RNF213: variants seen among roughly 807,000 people sequenced by gnomAD.
RNF213 encodes the protein ring finger protein 213.
RNF213 carries 341 observed loss-of-function variants against 514.4 expected under a neutral mutation model. That is an observed-to-expected ratio of 0.66 (90% CI 0.61 to 0.73). RNF213 has a LOEUF of 0.73. RNF213 is among the 30% of genes least tolerant of loss of function. The pLI is 0.00. For synonymous variants in RNF213, 2,655 were observed against 2,658.2 expected, an observed-to-expected ratio of 1.00 and a Z score of 0.04; for missense variants, 5,767 against 6,615.6, an observed-to-expected ratio of 0.87 and a Z score of 4.45.
At chr17:80,273,198 G>T in intron 2 of RNF213, 43 bp from the exon 3 acceptor site, 4 of 1,601,848 alleles carry the variant, frequency 2.5e-6, no homozygotes, top group African/African-American at 1.4e-5. Flanking sequence ...CCTAACACTC[G>T]CTTCTCTCTG....
At chr17:80,375,957 A>G in intron 51 of RNF213, 87 bp downstream of exon 51, 3 of 1,062,796 alleles carry the variant, frequency 2.8e-6, no homozygotes, top group Non-Finnish European at 4.4e-6. Flanking sequence ...AACACAAATC[A>G]TACCATAATT....
intron 3 of RNF213, among the ~76,000 whole-genome samples, chr17:80,287,034 A>C (rs1209402732): frequency 1.3e-5 from 2 of 152,202 alleles, no homozygotes; most frequent in Admixed American, 1.3e-4. Context: ...ATAGAGGTGC[A>C]TAAAACGTGG....
intron 2 of RNF213, among the ~76,000 whole-genome samples, chr17:80,265,061 T>TTTA (rs2043567063): frequency 6.7e-6 from 1 of 148,618 alleles, no homozygotes. Flanking sequence ...TTTTTTTTTT[T>TTTA]AGAGGGAGTT....
At chr17:80,376,236 ATGTC>A in intron 51 of RNF213, 61 bp from the exon 52 acceptor site, 1 of 1,568,794 alleles carries the variant, frequency 6.4e-7, no homozygotes, top group Non-Finnish European at 8.8e-7. Context: ...GTGTCAGTGT[ATGTC>A]TAAGAGCAAT....
chr17:80,386,132 G>C, intron 61 of RNF213, 118 bp from the exon 62 acceptor site: 1 of 983,180 alleles, frequency 1.0e-6, no homozygotes, highest in Non-Finnish European at 1.6e-6. Flanking sequence ...GGGCAGAACC[G>C]AGACCCGGCT....
intron 3 of RNF213, among the ~76,000 whole-genome samples, chr17:80,281,632 A>C (rs2044303048): frequency 4.3e-5 from 3 of 69,302 alleles, no homozygotes; most frequent in Non-Finnish European, 6.6e-5. Context: ...ACACACCCCC[A>C]ACACACACTC....
intron 2 of RNF213, among the ~76,000 whole-genome samples, chr17:80,266,718 T>C (rs2043623362): frequency 6.6e-6 from 1 of 151,622 alleles, no homozygotes; most frequent in Non-Finnish European, 1.5e-5. Flanking sequence ...GCCAGGTTGG[T>C]ATCAAACTCC....
chr17:80,376,161 G>A, intron 51 of RNF213, 140 bp from the exon 52 acceptor site: 1 of 973,694 alleles, frequency 1.0e-6, no homozygotes, highest in Non-Finnish European at 1.6e-6. Context: ...TCTCTTCTCT[G>A]AAAAATTTCC....
chr17:80,338,066 C>T, intron 25 of RNF213, 69 bp downstream of exon 25: 4 of 1,506,432 alleles, frequency 2.7e-6, no homozygotes. Flanking sequence ...TGTGTACTCC[C>T]AAGAAAACGG....
In RNF213 at chr17:80,343,877, GTTTCT is replaced by G. The variant is rs2078232122; in HGVS notation, c.6209_6213del (p.Leu2070GlnfsTer27). ...CTTAGGTGCAGACTGGAATTTGGGT[GTTTCT>G]TTTCAAGCTCCTCATTTTACAATAC... On this transcript the variant is annotated frameshift_variant, in exon 28 of 68. Transcript: ENST00000582970. LOFTEE classifies it high-confidence loss of function. This position sits in a 1 kb window ranked among gnomAD's most constrained non-coding sequence, Gnocchi z 4.3. The G allele has an allele frequency of 8.7e-6, 14 of 1,614,164 alleles. No homozygotes were observed. Among genetic ancestry groups the G allele is most frequent in the Non-Finnish European group, 1.2e-5 (14 of 1,180,032 alleles).
chr17:80,286,505 A>C (rs561763712), intron 3 of RNF213, among the ~76,000 whole-genome samples: 131 of 152,218 alleles, frequency 8.6e-4, no homozygotes, highest in African/African-American at 3.1e-3. Context: ...GTGGGAACGC[A>C]GCCTCCTCCT....
chr17:80,363,986 A>G (rs902978119), intron 41 of RNF213, among the ~76,000 whole-genome samples, 196 bp downstream of exon 41: 5 of 152,192 alleles, frequency 3.3e-5, no homozygotes, highest in Non-Finnish European at 7.4e-5. Flanking sequence ...GAGACACGAG[A>G]GGCGGCTGTG....
chr17:80,270,547 G>A (rs775831934), intron 2 of RNF213, among the ~76,000 whole-genome samples: 26 of 152,172 alleles, frequency 1.7e-4, no homozygotes, highest in Non-Finnish European at 3.1e-4. Context: ...GTCAATCTGT[G>A]CCGGTCGTTG....
At position 80,385,125 on chromosome 17, in the gene RNF213, A is replaced by G. The variant is rs1362251482; in HGVS notation, c.14409A>G (p.Gln4803=). ...DLVKQFQNVQ[Q]VEYSSIRGFL... Reference sequence around the variant, plus strand: ...TGAAGCAGTTCCAGAACGTCCAGCAAGTTGAATACAGCTCCATCAGAGGCT... The same window carrying G: ...TGAAGCAGTTCCAGAACGTCCAGCAGGTTGAATACAGCTCCATCAGAGGCT... The change falls in exon 60 of 68, where the codon CAA becomes CAG. Residue 4803 remains glutamine, a synonymous_variant. Coordinates refer to ENST00000582970, the MANE Select transcript of RNF213 (RefSeq NM_001256071.3). 9.3e-6 allele frequency: 15 copies of G among 1,614,106 alleles called. No individual in the cohort carries two copies. The highest frequency in any genetic ancestry group is 1.3e-5 in the Non-Finnish European group (15 of 1,180,040).
At chr17:80,301,220 C>G (rs1313664808) in intron 11 of RNF213, among the ~76,000 whole-genome samples, 3 of 152,014 alleles carry the variant, frequency 2.0e-5, no homozygotes, top group Non-Finnish European at 2.9e-5. Context: ...TTGCCCATTC[C>G]TATGTCTAGA....
At chr17:80,278,804 T>C in intron 3 of RNF213, 1 of 1,537,198 alleles carries the variant, frequency 6.5e-7, no homozygotes, top group South Asian at 1.2e-5. Context: ...GCTGTAGACC[T>C]CATATCCGAT....
At chr17:80,350,459 G>T (rs12051723) in intron 31 of RNF213, 63 bp downstream of exon 31, 133,905 of 1,057,972 alleles carry the variant, frequency 0.13, 9,535 homozygotes, top group East Asian at 0.2. Flanking sequence ...AAGTCCTAGA[G>T]AATTTTTTCC....
rs1388566794 is a variant in RNF213 at position 80,288,675 on chromosome 17, G to A, written c.853G>A (p.Ala285Thr). ...VAEPANAVKG[A>T]GKEMKEKTQR... ...TGAGCCAGCCAATGCAGTTAAAGGG[G>A]CCGGGAAGGAAATGAAAGAGAAGAC... is the stretch of plus-strand genomic sequence containing the variant. The change falls in exon 5 of 68, where the codon GCC (alanine) becomes ACC (threonine). Residue 285 changes from alanine to threonine, a missense_variant. Ala to Thr is a moderately conservative substitution (Grantham distance 58, BLOSUM62 0). This residue lies in a region of RNF213 where 509 missense variants were observed against 496.7 expected (regional missense o/e 1.02). Coordinates refer to ENST00000582970, the MANE Select transcript of RNF213 (RefSeq NM_001256071.3). This position sits in a 1 kb window ranked among gnomAD's most constrained non-coding sequence, Gnocchi z 4.9. The A allele has an allele frequency of 6.2e-7, 1 of 1,614,094 alleles. No homozygotes were observed. The highest frequency in any genetic ancestry group is 8.5e-7 in the Non-Finnish European group (1 of 1,180,048).
Position 80,298,512 on chromosome 17 carries a change from T to C in RNF213, c.2204T>C (p.Leu735Pro), listed in dbSNP as rs779262521. ...TTCTCACCGTTCCGGGAACAAATGC[T>C]AGATACGTAAGTCGTAGAGTTGTGC... is the stretch of plus-strand genomic sequence containing the variant. ...LSFSPFREQMLDTSSLLQFMR... is the reference protein window; with the variant it reads ...LSFSPFREQMPDTSSLLQFMR... Residue 735 changes from leucine (L) to proline (P), a missense_variant, in exon 11 of 68, where the codon CTA becomes CCA. Around this residue, in one of 13 missense-constraint regions of RNF213, gnomAD observed 592 missense variants for 673.9 expected, o/e 0.88. Coordinates refer to ENST00000582970, the MANE Select transcript of RNF213 (RefSeq NM_001256071.3). The C allele has an allele frequency of 6.2e-7, 1 of 1,614,114 alleles. No individual in the cohort carries two copies. Among genetic ancestry groups the C allele is most frequent in the Non-Finnish European group, 8.5e-7 (1 of 1,180,028 alleles).
Sources: allele counts gnomAD v4.1 joint callset (sites outside exome capture counted in the v4.1 genomes callset), GRCh38; gene constraint gnomAD v4.1.1; regional missense constraint gnomAD v4.1.1; non-coding constraint Gnocchi (gnomAD v3.1); transcripts MANE v1.5; gene names NCBI Gene and HGNC (gene_info 2026-07-23, HGNC 2026-07-21).